The following SYNE1 variants were observed in gnomAD, a reference collection of about 807,000 sequenced individuals.
SYNE1 encodes the protein spectrin repeat containing nuclear envelope protein 1, also known as nesprin-1.
A neutral mutation model predicts 1,111.0 loss-of-function variants in SYNE1; 616 were observed. The ratio of observed to expected loss-of-function variants is 0.55; its 90% CI spans 0.52 to 0.59. SYNE1 has a LOEUF of 0.59. Ranked by LOEUF, SYNE1 falls within the 20% of genes least tolerant of loss-of-function variation. The pLI is 0.00. For synonymous variants in SYNE1, 3,855 were observed against 3,825.8 expected, an observed-to-expected ratio of 1.01 and a Z score of -0.28; for missense variants, 10,006 against 10,417.0, an observed-to-expected ratio of 0.96 and a Z score of 1.72.
chr6:152,619,303 G>A lies in SYNE1; in HGVS notation c.67+8962C>T, dbSNP rs549110276. Among the ~76,000 whole-genome samples the A allele has an allele frequency of 7.9e-5, 12 of 152,074 alleles. No homozygotes were observed. In the East Asian group the frequency reaches 1.7e-3, roughly 22 times the overall value. On this transcript the variant is annotated intron_variant, in intron 3 of 145. Transcript: ENST00000367255. ...TCTTCACTCCTCTTACAGAGACCACGCCAAGGCCTCAGCTCTGATCCAACA... is the reference window on the plus strand; with the variant it reads ...TCTTCACTCCTCTTACAGAGACCACACCAAGGCCTCAGCTCTGATCCAACA...
intron 95 of SYNE1, among the ~76,000 whole-genome samples, chr6:152,287,435 C>T (rs1336385985): frequency 6.6e-6 from 1 of 152,198 alleles, no homozygotes; most frequent in Non-Finnish European, 1.5e-5. Flanking sequence ...ATCTCCCTAT[C>T]TGGTAGGATA....
chr6:152,155,960 C>T lies in SYNE1; in HGVS notation c.23928G>A (p.Leu7976=). ...CACAAATGTTTCTCCACCGCCGGTC[C>T]AGGTTTCTCGTAGCCTGCTGTATAG... ...CDSIQQATRN[L]DRRWRNICAM... Residue 7976 remains leucine, a synonymous_variant, in exon 132 of 146, where the codon CTG becomes CTA. Transcript: ENST00000367255. The T allele has an allele frequency of 3.7e-6, 6 of 1,614,184 alleles. No individual in the cohort carries two copies. The highest frequency in any genetic ancestry group is 5.1e-6 in the Non-Finnish European group (6 of 1,180,038).
intron 104 of SYNE1, among the ~76,000 whole-genome samples, chr6:152,251,616 G>C (rs911213702): frequency 6.6e-6 from 1 of 151,616 alleles, no homozygotes; most frequent in Non-Finnish European, 1.5e-5. Flanking sequence ...AAAATTAGCC[G>C]GGCGTAGTGG....
chr6:152,528,078 C>G (rs558521400), intron 4 of SYNE1, among the ~76,000 whole-genome samples: 1 of 152,290 alleles, frequency 6.6e-6, no homozygotes, highest in African/African-American at 2.4e-5. Context: ...CTGTTCCTAC[C>G]CAAAACTCTG....
intron 119 of SYNE1, 121 bp downstream of exon 119, chr6:152,220,721 C>T (rs1230507952): frequency 8.9e-6 from 8 of 900,490 alleles, no homozygotes; most frequent in Non-Finnish European, 1.3e-5. Context: ...GATCCTAAGA[C>T]AGTTATTTTT....
chr6:152,465,301 T>A lies in SYNE1; in HGVS notation c.1889A>T (p.Glu630Val). ...NTVASLQAWL[E>V]DAEKMLNQSE... ...TTGATTGAGCATTTTTTCAGCATCC[T>A]CTAGCCAGGCTTGCAGACTAGCCAC... The change falls in exon 18 of 146, where the codon GAG becomes GTG. Residue 630 changes from glutamate (E) to valine (V), a missense_variant. Physicochemically the swap from Glu to Val is moderately radical, Grantham distance 121 (BLOSUM62 -2). Coordinates refer to ENST00000367255, the MANE Select transcript of SYNE1 (RefSeq NM_182961.4). 6.2e-7 allele frequency: 1 copy of A among 1,613,822 alleles called. No individual in the cohort carries two copies.
At chr6:152,271,237 CT>C (rs1215954778) in intron 98 of SYNE1, among the ~76,000 whole-genome samples, 1 of 152,082 alleles carries the variant, frequency 6.6e-6, no homozygotes, top group African/African-American at 2.4e-5. Context: ...TCTGTTTCTT[CT>C]TTTTTTCATT....
intron 23 of SYNE1, 136 bp downstream of exon 23, chr6:152,455,750 A>G (rs1195645980): frequency 7.2e-7 from 1 of 1,397,342 alleles, no homozygotes; most frequent in Admixed American, 1.9e-5. Context: ...ATTAGGTAAA[A>G]AAGTAGGACA....
chr6:152,456,115 CA>C, intron 22 of SYNE1, 71 bp from the exon 23 acceptor site: 1 of 1,516,922 alleles, frequency 6.6e-7, no homozygotes, highest in Admixed American at 1.8e-5. Flanking sequence ...AGAGAGTGAC[CA>C]TTACAGATAA....
intron 23 of SYNE1, 138 bp from the exon 24 acceptor site, chr6:152,455,728 A>G (rs1208343188): frequency 5.9e-6 from 8 of 1,365,242 alleles, no homozygotes; most frequent in Admixed American, 1.9e-5. Flanking sequence ...ACTCTTTTCA[A>G]TATTAATTAA....
At chr6:152,180,380 T>A in intron 128 of SYNE1, 86 bp from the exon 129 acceptor site, 1 of 1,302,364 alleles carries the variant, frequency 7.7e-7, no homozygotes, top group Non-Finnish European at 1.1e-6. Context: ...AAACTAGGAC[T>A]AAAATGAATG....
chr6:152,476,660 G>A lies in SYNE1; in HGVS notation c.1351-4247C>T, dbSNP rs553880518. ...AGGGTGGGCAGATCACTTGCACCCAGGAGTTTGAGACCAGGCTGGGCAACA... is the reference window on the plus strand; with the variant it reads ...AGGGTGGGCAGATCACTTGCACCCAAGAGTTTGAGACCAGGCTGGGCAACA... On this transcript the variant is annotated intron_variant, in intron 14 of 145. Coordinates refer to ENST00000367255, the MANE Select transcript of SYNE1 (RefSeq NM_182961.4). Among the ~76,000 whole-genome samples the A allele has an allele frequency of 2.6e-5, 4 of 152,236 alleles. 1 individual carries two copies. Among genetic ancestry groups the A allele is most frequent in the Middle Eastern group, 3.4e-3 (1 of 294 alleles).
chr6:152,400,227 A>G (rs1380787030), intron 47 of SYNE1, among the ~76,000 whole-genome samples: 1 of 152,178 alleles, frequency 6.6e-6, no homozygotes, highest in Non-Finnish European at 1.5e-5. Flanking sequence ...AATTTAAAAA[A>G]AAAAAAGGAA....
chr6:152,303,098 C>CTTT (rs71017533), intron 91 of SYNE1, among the ~76,000 whole-genome samples: 3 of 107,050 alleles, frequency 2.8e-5, no homozygotes, highest in Non-Finnish European at 5.4e-5. Flanking sequence ...AACTATTATT[C>CTTT]TTTTTTTTTT....
intron 2 of SYNE1, 26 bp from the exon 3 acceptor site, chr6:152,628,580 A>C: frequency 1.9e-6 from 1 of 525,694 alleles, no homozygotes; most frequent in Non-Finnish European, 3.4e-6. Context: ...GAAAAGGTAC[A>C]ACATAAAAAA....
At position 152,471,746 on chromosome 6, in the gene SYNE1, T is replaced by C. The variant is rs200954103; in HGVS notation, c.1483A>G (p.Thr495Ala). 712 of 1,613,724 alleles carry C rather than the reference T, an allele frequency of 4.4e-4. 6 individuals are homozygous for C. In the South Asian group the frequency reaches 7.4e-3, roughly 17 times the overall value. The change falls in exon 16 of 146, where the codon ACA becomes GCA. Residue 495 changes from threonine (T) to alanine (A), a missense_variant. Thr to Ala is a moderately conservative substitution (Grantham distance 58, BLOSUM62 0). This residue lies in a region of SYNE1 where 1,971 missense variants were observed against 2,084.1 expected (regional missense o/e 0.95). Coordinates refer to ENST00000367255, the MANE Select transcript of SYNE1 (RefSeq NM_182961.4). ...ATTTTCATTAGGTGTAGCTCTGATG[T>C]GGAGGAAACAAAATGAAACCTAGAA... ...MAERFHFVSS[T>A]SELHLMKMEF...
chr6:152,209,990 A>T (rs1306461265), intron 124 of SYNE1, among the ~76,000 whole-genome samples: 2 of 152,166 alleles, frequency 1.3e-5, no homozygotes, highest in Non-Finnish European at 2.9e-5. Context: ...AAGGCCTCTT[A>T]GGATTCCCCA....
chr6:152,588,132 A>G (rs748849283), intron 3 of SYNE1, among the ~76,000 whole-genome samples: 21 of 152,208 alleles, frequency 1.4e-4, no homozygotes, highest in Non-Finnish European at 2.6e-4. Flanking sequence ...GCTGACATTC[A>G]AGTTCTTTAA....
At chr6:152,261,137 A>G (rs1176220332) in intron 101 of SYNE1, among the ~76,000 whole-genome samples, 2 of 152,212 alleles carry the variant, frequency 1.3e-5, no homozygotes, top group Non-Finnish European at 1.5e-5. Context: ...AGTTCTGGCC[A>G]GAGCAGAGAA....
Sources: allele counts gnomAD v4.1 joint callset (sites outside exome capture counted in the v4.1 genomes callset), GRCh38; gene constraint gnomAD v4.1.1; regional missense constraint gnomAD v4.1.1; transcripts MANE v1.5; gene names NCBI Gene and HGNC (gene_info 2026-07-23, HGNC 2026-07-21).